Variants in SPON1 observed in about 807,000 individuals in gnomAD.
SPON1 encodes the protein spondin-1.
In SPON1, 52 loss-of-function variants were observed where a neutral mutation model predicts 111.7. That is an observed-to-expected ratio of 0.47 (90% CI 0.37 to 0.59). The LOEUF (loss-of-function observed/expected upper bound fraction) is 0.59. Among genes scored for constraint, SPON1 ranks in the 20% least tolerant of loss-of-function variants. The pLI is 0.00. For missense variants in SPON1, 957 were observed against 1,068.5 expected, an observed-to-expected ratio of 0.90 and a Z score of 1.46; for synonymous variants, 410 against 395.8, an observed-to-expected ratio of 1.04 and a Z score of -0.43.
In SPON1 at chr11:14,266,785, G is replaced by A. The variant is rs1554942541; in HGVS notation, c.*1098G>A. On this transcript the variant is annotated 3_prime_UTR_variant, in exon 16 of 16. Transcript: ENST00000576479. ...AAATCTAAGGGAAAGGAATATTATG[G>A]GATTAAGCTGAGCAAGCAATTCTGG... is the stretch of plus-strand genomic sequence containing the variant. 6.6e-6 allele frequency: 1 copy of A among 151,942 alleles called. No homozygotes were observed. The highest frequency in any genetic ancestry group is 2.4e-5 in the African/African-American group (1 of 41,368). 9.4% of individuals were successfully genotyped at this position (151,942 alleles called of 1,614,324 possible).
chr11:14,135,354 T>A lies in SPON1; in HGVS notation c.677-66T>A. 1.3e-6 allele frequency: 2 copies of A among 1,543,942 alleles called. No individual in the cohort carries two copies. Among genetic ancestry groups the A allele is most frequent in the Non-Finnish European group, 1.8e-6 (2 of 1,133,158 alleles). On this transcript the variant is annotated intron_variant, in intron 5 of 15. Coordinates refer to ENST00000576479, the MANE Select transcript of SPON1 (RefSeq NM_006108.4). The surrounding 1 kb of genome is among the most constrained non-coding windows in gnomAD (Gnocchi z 4.4). ...GATGTCCAATTACGCATCCTCCCCATCATTTAAGGGACTCGTGTTTCAGCC... is the reference window on the plus strand; with the variant it reads ...GATGTCCAATTACGCATCCTCCCCAACATTTAAGGGACTCGTGTTTCAGCC...
chr11:14,102,564 T>A (rs1430909645), intron 5 of SPON1, among the ~76,000 whole-genome samples: 1 of 152,164 alleles, frequency 6.6e-6, no homozygotes, highest in Admixed American at 6.5e-5. Context: ...TTGTAGCAAA[T>A]CAAAAATAAA....
intron 3 of SPON1, among the ~76,000 whole-genome samples, chr11:14,047,718 G>C (rs1470735360): frequency 1.3e-5 from 2 of 152,130 alleles, no homozygotes; most frequent in Non-Finnish European, 2.9e-5. Flanking sequence ...CAGGTAAAAG[G>C]GGTGGATAAA....
At chr11:13,992,223 C>A (rs1185391827) in intron 2 of SPON1, among the ~76,000 whole-genome samples, 1 of 152,238 alleles carries the variant, frequency 6.6e-6, no homozygotes, top group Non-Finnish European at 1.5e-5. Context: ...AAGTCCCTGA[C>A]TGGGGCTGCT....
chr11:14,014,264 C>T (rs1312171219), intron 2 of SPON1, among the ~76,000 whole-genome samples: 3 of 152,022 alleles, frequency 2.0e-5, no homozygotes, highest in South Asian at 2.1e-4. Flanking sequence ...GGAAGGCCAT[C>T]GGTGGGAAGG....
Position 13,969,977 on chromosome 11 carries a change from C to T in SPON1, c.238+6835C>T, listed in dbSNP as rs1251717816. 2.6e-5 allele frequency among the ~76,000 whole-genome samples: 4 copies of T among 152,354 alleles called. No homozygotes were observed. The South Asian group carries it at 6.2e-4, about 24-fold the overall frequency. ...CTGAGAGGCTCATCTCATGCTCACT[C>T]AGGCACATGCATGCATTGAATGGAG... On this transcript the variant is annotated intron_variant, in intron 1 of 15. Transcript: ENST00000576479.
At chr11:13,973,772 C>T (rs1262515938) in intron 1 of SPON1, among the ~76,000 whole-genome samples, 2 of 152,288 alleles carry the variant, frequency 1.3e-5, no homozygotes, top group South Asian at 2.1e-4. Flanking sequence ...TGCTGTTTTA[C>T]AGGTAAGGAC....
intron 14 of SPON1, chr11:14,262,488 T>C (rs947938666): frequency 1.9e-4 from 115 of 597,194 alleles, no homozygotes; most frequent in African/African-American, 6.7e-4. Flanking sequence ...AGAGGGAGCA[T>C]AGAATGGGTG....
chr11:14,044,911 G>A (rs1173760384), intron 3 of SPON1, among the ~76,000 whole-genome samples: 1 of 152,140 alleles, frequency 6.6e-6, no homozygotes, highest in African/African-American at 2.4e-5. Flanking sequence ...GCATGTCTAT[G>A]GTATGGATGT....
At chr11:14,060,574 G>T (rs782776894) in intron 3 of SPON1, among the ~76,000 whole-genome samples, 4 of 152,196 alleles carry the variant, frequency 2.6e-5, no homozygotes, top group Non-Finnish European at 5.9e-5. Flanking sequence ...GGCCCTGGCT[G>T]CATATTGGAA....
chr11:14,138,659 G>A (rs1304745691), intron 6 of SPON1, among the ~76,000 whole-genome samples: 2 of 152,120 alleles, frequency 1.3e-5, no homozygotes, highest in Admixed American at 6.5e-5. Flanking sequence ...GATCACACTT[G>A]TAGGTTGGTG....
intron 6 of SPON1, among the ~76,000 whole-genome samples, chr11:14,239,961 C>G (rs1848907787): frequency 6.6e-6 from 1 of 152,190 alleles, no homozygotes; most frequent in Non-Finnish European, 1.5e-5. Context: ...GGGCAGACCA[C>G]AGTTTTAAAT....
chr11:13,962,894 G>A lies in SPON1; in HGVS notation c.-11G>A, dbSNP rs782696111. The stretch of plus-strand genomic sequence containing the variant: ...GCCTGCGGCCGCGGCACAAAGTTGG[G>A]GGCCGCGAAGATGAGGCTGTCCCCG... On this transcript the variant is annotated 5_prime_UTR_variant, in exon 1 of 16. Coordinates refer to ENST00000576479, the MANE Select transcript of SPON1 (RefSeq NM_006108.4). The A allele has an allele frequency of 1.8e-5, 27 of 1,500,324 alleles. No homozygotes were observed. Among genetic ancestry groups the A allele is most frequent in the Admixed American group, 4.4e-5 (2 of 44,976 alleles). The allele number at this position is 1,500,324 out of a possible 1,614,324, so 92.9% of individuals were successfully genotyped here.
Position 14,045,402 on chromosome 11 carries a change from C to T in SPON1, c.479+3748C>T, listed in dbSNP as rs201630573. 4.7e-4 allele frequency among the ~76,000 whole-genome samples: 71 copies of T among 151,806 alleles called. No homozygotes were observed. In the East Asian group the frequency reaches 0.014, roughly 29 times the overall value. On this transcript the variant is annotated intron_variant, in intron 3 of 15. Transcript: ENST00000576479. ...GACCAGCCTGGCCAACATGGTGAAA[C>T]CCCCGTCTCTTCTAAAAATACAAAA...
chr11:14,159,382 A>T (rs781841085), intron 6 of SPON1, among the ~76,000 whole-genome samples: 7 of 152,158 alleles, frequency 4.6e-5, no homozygotes, highest in Non-Finnish European at 8.8e-5. Flanking sequence ...AGGCAATAAA[A>T]AATACTGTTG....
At chr11:13,973,240 T>C (rs931434987) in intron 1 of SPON1, among the ~76,000 whole-genome samples, 4 of 152,192 alleles carry the variant, frequency 2.6e-5, no homozygotes, top group African/African-American at 7.2e-5. Flanking sequence ...GCCAGGGCAA[T>C]GGCATGGAGA....
intron 2 of SPON1, among the ~76,000 whole-genome samples, chr11:13,990,610 CATT>C (rs1436236130): frequency 6.6e-6 from 1 of 151,814 alleles, no homozygotes; most frequent in Non-Finnish European, 1.5e-5. Context: ...TTGATCCTGT[CATT>C]ATGATGCTAG....
chr11:14,239,312 C>T (rs1848898447), intron 6 of SPON1, among the ~76,000 whole-genome samples: 1 of 152,210 alleles, frequency 6.6e-6, no homozygotes, highest in Admixed American at 6.5e-5. Context: ...ATGTGCCAGG[C>T]ACTTCATTGC....
intron 5 of SPON1, among the ~76,000 whole-genome samples, chr11:14,110,753 G>T (rs1849221304): frequency 6.6e-6 from 1 of 152,122 alleles, no homozygotes; most frequent in South Asian, 2.1e-4. Context: ...CAGTCCACTG[G>T]CTCAAATCCA....
Sources: allele counts gnomAD v4.1 joint callset (sites outside exome capture counted in the v4.1 genomes callset), GRCh38; gene constraint gnomAD v4.1.1; non-coding constraint Gnocchi (gnomAD v3.1); transcripts MANE v1.5; gene names NCBI Gene and HGNC (gene_info 2026-07-23, HGNC 2026-07-21).